Variants in SGCZ observed in about 807,000 individuals in gnomAD.
SGCZ encodes zeta-sarcoglycan.
SGCZ carries 40 observed loss-of-function variants against 41.3 expected under a neutral mutation model. The ratio of observed to expected loss-of-function variants is 0.97; its 90% CI spans 0.75 to 1.26. The LOEUF (loss-of-function observed/expected upper bound fraction) is 1.26, where lower values mean the gene tolerates loss of function less well. Ranked by LOEUF, SGCZ falls within the 50% of genes most tolerant of loss-of-function variation. SGCZ has a pLI of 0.00. For missense variants in SGCZ, 552 were observed against 369.8 expected (o/e 1.49, Z -4.04); for synonymous variants, 206 against 137.5 (o/e 1.50, Z -3.49).
intron 2 of SGCZ, among the ~76,000 whole-genome samples, chr8:14,520,176 C>T (rs929104877): frequency 6.6e-6 from 1 of 152,188 alleles, no homozygotes. Flanking sequence ...TTGGTTCACA[C>T]TATGTAAGAA....
chr8:15,083,042 T>A, intron 1 of SGCZ, among the ~76,000 whole-genome samples: 1 of 152,194 alleles, frequency 6.6e-6, no homozygotes, highest in East Asian at 1.9e-4. Flanking sequence ...TGCTCATGTA[T>A]CTATAGCTTA....
chr8:15,089,361 G>A lies in SGCZ; in HGVS notation c.39+148224C>T, dbSNP rs546725453. ...TTTCAAGATTTCTCCTGTCTGACTG[G>A]GACATGGACAACTAAATACTTCTTG... On this transcript the variant is annotated intron_variant, in intron 1 of 7. Transcript: ENST00000382080. Among the ~76,000 whole-genome samples the A allele has an allele frequency of 1.3e-4, 19 of 151,930 alleles. No individual in the cohort carries two copies. The South Asian group carries it at 4.0e-3, about 32-fold the overall frequency.
Position 14,085,320 on chromosome 8 carries a change from G to C in SGCZ, c.*5123C>G, listed in dbSNP as rs1168413281. ...AAGTACAAAACAAAATAAATGAATAGTGGACCTGATTTAAAGAATTGTATA... is the reference window on the plus strand; with the variant it reads ...AAGTACAAAACAAAATAAATGAATACTGGACCTGATTTAAAGAATTGTATA... On this transcript the variant is annotated 3_prime_UTR_variant, in exon 8 of 8. Coordinates refer to ENST00000382080, the MANE Select transcript of SGCZ (RefSeq NM_139167.4). Among the ~76,000 whole-genome samples the C allele has an allele frequency of 6.6e-6, 1 of 151,554 alleles. No individual in the cohort carries two copies. Among genetic ancestry groups the C allele is most frequent in the Non-Finnish European group, 1.5e-5 (1 of 67,762 alleles).
intron 1 of SGCZ, among the ~76,000 whole-genome samples, chr8:14,733,537 C>T (rs547812790): frequency 7.7e-4 from 117 of 152,232 alleles, no homozygotes; most frequent in African/African-American, 2.7e-3. Context: ...AAGAAAAATC[C>T]ACTACTATTA....
chr8:14,997,931 G>A (rs1184144220), intron 1 of SGCZ, among the ~76,000 whole-genome samples: 1 of 152,060 alleles, frequency 6.6e-6, no homozygotes, highest in Non-Finnish European at 1.5e-5. Context: ...CTGCACTCCA[G>A]CCTGGGCGAA....
chr8:14,893,956 T>C (rs1194364270), intron 1 of SGCZ, among the ~76,000 whole-genome samples: 2 of 152,206 alleles, frequency 1.3e-5, no homozygotes, highest in African/African-American at 2.4e-5. Context: ...CTAAATTCTA[T>C]GCTGTTTGTA....
At chr8:14,352,416 G>C (rs1368577549) in intron 2 of SGCZ, among the ~76,000 whole-genome samples, 1 of 152,020 alleles carries the variant, frequency 6.6e-6, no homozygotes, top group African/African-American at 2.4e-5. Context: ...TGTAAAGAAA[G>C]GGAAGAAATA....
chr8:14,566,707 G>A (rs924680131), intron 1 of SGCZ, among the ~76,000 whole-genome samples: 1 of 152,242 alleles, frequency 6.6e-6, no homozygotes, highest in African/African-American at 2.4e-5. Context: ...CTCGGCCTTG[G>A]CGCCCACTCT....
intron 1 of SGCZ, among the ~76,000 whole-genome samples, chr8:15,010,185 T>G (rs73521027): frequency 6.6e-6 from 1 of 152,152 alleles, no homozygotes; most frequent in African/African-American, 2.4e-5. Flanking sequence ...GAACACAAAC[T>G]AAACATTTGT....
intron 2 of SGCZ, among the ~76,000 whole-genome samples, chr8:14,451,037 G>C (rs893698875): frequency 2.0e-5 from 3 of 152,154 alleles, no homozygotes; most frequent in Non-Finnish European, 4.4e-5. Context: ...GGAGAGCAGA[G>C]GGTACTTGTT....
intron 1 of SGCZ, among the ~76,000 whole-genome samples, chr8:14,798,717 C>G (rs1375977824): frequency 9.1e-6 from 1 of 109,498 alleles, no homozygotes; most frequent in Non-Finnish European, 2.0e-5. Context: ...ACCCTACAAT[C>G]ACATTATTTT....
chr8:14,136,299 G>A (rs937220524), intron 5 of SGCZ, among the ~76,000 whole-genome samples: 10 of 152,092 alleles, frequency 6.6e-5, no homozygotes, highest in African/African-American at 1.2e-4. Context: ...CTGGGACTGC[G>A]TGGACAGTGG....
intron 1 of SGCZ, among the ~76,000 whole-genome samples, chr8:14,697,512 G>C (rs115181977): frequency 2.6e-5 from 4 of 151,986 alleles, no homozygotes; most frequent in Non-Finnish European, 5.9e-5. Context: ...TGCAATCCAT[G>C]TAGTTAAAAA....
chr8:14,568,880 G>T (rs1325218644), intron 1 of SGCZ, among the ~76,000 whole-genome samples: 3 of 151,840 alleles, frequency 2.0e-5, no homozygotes, highest in African/African-American at 7.3e-5. Context: ...TGTGCAGAAA[G>T]AGTATAATTC....
intron 1 of SGCZ, among the ~76,000 whole-genome samples, chr8:15,181,568 G>A (rs1279549028): frequency 6.6e-6 from 1 of 152,122 alleles, no homozygotes; most frequent in Non-Finnish European, 1.5e-5. Flanking sequence ...GCAAATAAGT[G>A]CTTGTGTCTT....
intron 5 of SGCZ, among the ~76,000 whole-genome samples, chr8:14,159,629 A>G (rs1803980400): frequency 6.6e-6 from 1 of 152,192 alleles, no homozygotes; most frequent in South Asian, 2.1e-4. Flanking sequence ...GTTTCAGCAG[A>G]GAAAATGAAG....
At chr8:14,191,591 T>C (rs1383834567) in intron 4 of SGCZ, among the ~76,000 whole-genome samples, 1 of 152,166 alleles carries the variant, frequency 6.6e-6, no homozygotes, top group Non-Finnish European at 1.5e-5. Flanking sequence ...TACATCTCAC[T>C]GTGTAAAACT....
chr8:14,210,204 C>G (rs928587664), intron 4 of SGCZ, among the ~76,000 whole-genome samples: 2 of 151,954 alleles, frequency 1.3e-5, no homozygotes. Context: ...AATACAGGTG[C>G]ACACTACTAC....
chr8:14,899,986 G>A (rs1798909680), intron 1 of SGCZ, among the ~76,000 whole-genome samples: 1 of 152,038 alleles, frequency 6.6e-6, no homozygotes, highest in South Asian at 2.1e-4. Flanking sequence ...GTTTAACGTG[G>A]GGTGTTATTC....
Sources: allele counts gnomAD v4.1 joint callset (sites outside exome capture counted in the v4.1 genomes callset), GRCh38; gene constraint gnomAD v4.1.1; transcripts MANE v1.5; gene names NCBI Gene and HGNC (gene_info 2026-07-23, HGNC 2026-07-21).